Variants in BCL7A observed in about 807,000 individuals in gnomAD.
The protein encoded by BCL7A is B-cell CLL/lymphoma 7 protein family member A.
Under a neutral mutation model 28.4 loss-of-function variants are expected in BCL7A, and 11 were observed. That is an observed-to-expected ratio of 0.39 (90% CI 0.24 to 0.64). BCL7A has a LOEUF of 0.64. Ranked by LOEUF, BCL7A falls within the 30% of genes least tolerant of loss-of-function variation. The pLI, the probability that BCL7A is intolerant of heterozygous loss-of-function variation, is 0.50. For missense variants in BCL7A, 222 were observed against 274.8 expected, an observed-to-expected ratio of 0.81 and a Z score of 1.36; for synonymous variants, 123 against 103.3, an observed-to-expected ratio of 1.19 and a Z score of -1.15.
intron 1 of BCL7A, among the ~76,000 whole-genome samples, chr12:122,025,177 G>A (rs374809850): frequency 6.6e-6 from 1 of 152,142 alleles, no homozygotes; most frequent in Non-Finnish European, 1.5e-5. Flanking sequence ...CCAGGGCGAT[G>A]GTAGGAGACG....
chr12:122,032,052 C>T (rs1311664668), intron 2 of BCL7A, among the ~76,000 whole-genome samples: 2 of 152,126 alleles, frequency 1.3e-5, no homozygotes, highest in African/African-American at 2.4e-5. Context: ...CTGGGAGTGA[C>T]GTAAAGTCAT....
chr12:122,050,774 C>T (rs191975446), intron 4 of BCL7A, among the ~76,000 whole-genome samples: 6 of 152,190 alleles, frequency 3.9e-5, no homozygotes, highest in African/African-American at 7.2e-5. Flanking sequence ...CCAGCTTGGG[C>T]GACAGAGCGA....
chr12:122,050,375 A>G (rs907877795), intron 4 of BCL7A, among the ~76,000 whole-genome samples: 1 of 152,050 alleles, frequency 6.6e-6, no homozygotes, highest in Admixed American at 6.6e-5. Flanking sequence ...CCAGTTGTTA[A>G]CCAATGTCCC....
chr12:122,022,196 G>A lies in BCL7A; in HGVS notation c.92+13G>A. ...AAGTGCGCAAATGGTAAGCGGAGGC[G>A]CCCGCCGCCAGCCGCCTCCCCGGCC... On this transcript the variant is annotated intron_variant, in intron 1 of 5. Transcript: ENST00000261822. The A allele has an allele frequency of 6.9e-7, 1 of 1,447,686 alleles. No individual in the cohort carries two copies. Among genetic ancestry groups the A allele is most frequent in the East Asian group, 3.1e-5 (1 of 31,932 alleles). 89.7% of individuals were successfully genotyped at this position (1,447,686 alleles called of 1,614,324 possible).
Position 122,034,337 on chromosome 12 carries a change from A to G in BCL7A, c.175-994A>G, listed in dbSNP as rs574144400. Reference sequence around the variant, plus strand: ...CCACCTTATTCCCTGTAATTGTTGCATCCGATTTCATTGAATGAATGTACC... The same window carrying G: ...CCACCTTATTCCCTGTAATTGTTGCGTCCGATTTCATTGAATGAATGTACC... On this transcript the variant is annotated intron_variant, in intron 2 of 5. Coordinates refer to ENST00000261822, the MANE Select transcript of BCL7A (RefSeq NM_001024808.3). Among the ~76,000 whole-genome samples the G allele has an allele frequency of 2.7e-5, 4 of 148,122 alleles. No individual in the cohort carries two copies. In the South Asian group the frequency reaches 6.5e-4, roughly 24 times the overall value.
chr12:122,054,319 C>T (rs546983554), intron 4 of BCL7A, among the ~76,000 whole-genome samples: 2 of 152,314 alleles, frequency 1.3e-5, no homozygotes, highest in Admixed American at 6.5e-5. Context: ...GATCTCCTGA[C>T]CTCGTGATCC....
At position 122,044,040 on chromosome 12, in the gene BCL7A, C is replaced by T. The variant is rs758586556; in HGVS notation, c.426C>T (p.His142=). 14 of 1,613,170 alleles carry T rather than the reference C, an allele frequency of 8.7e-6. No homozygotes were observed. Among genetic ancestry groups the T allele is most frequent in the South Asian group, 3.3e-5 (3 of 90,988 alleles). ...AGGCCCAGGCTGATGGGAAGGAGCACCCAGGAGCTGAAGGTATGTGGCCTC... is the reference window on the plus strand; with the variant it reads ...AGGCCCAGGCTGATGGGAAGGAGCATCCAGGAGCTGAAGGTATGTGGCCTC... ...VDEAQADGKE[H]PGAEDASDEQ... Residue 142 remains histidine, a synonymous_variant, in exon 4 of 6, where the codon CAC becomes CAT. Transcript: ENST00000261822.
At chr12:122,025,322 A>AAAAAAG (rs1220836729) in intron 1 of BCL7A, among the ~76,000 whole-genome samples, 4 of 151,406 alleles carry the variant, frequency 2.6e-5, no homozygotes, top group Admixed American at 6.6e-5. Context: ...TCAAACCAAA[A>AAAAAAG]AAAAAGAAAA....
chr12:122,032,081 G>C (rs539968157), intron 2 of BCL7A, among the ~76,000 whole-genome samples: 1 of 152,320 alleles, frequency 6.6e-6, no homozygotes, highest in Non-Finnish European at 1.5e-5. Flanking sequence ...GGTTTGGGGT[G>C]GGGGAAGCAT....
chr12:122,036,506 T>C (rs551524520), intron 3 of BCL7A, among the ~76,000 whole-genome samples: 30 of 152,346 alleles, frequency 2.0e-4, no homozygotes, highest in African/African-American at 7.2e-4. Context: ...GGTGTCTGTT[T>C]CTGTTTTGAC....
chr12:122,055,853 A>C lies in BCL7A; in HGVS notation c.561+927A>C, dbSNP rs1951875172. On this transcript the variant is annotated intron_variant, in intron 5 of 5. Transcript: ENST00000261822. ...GGCTGGTCTCAAATTCCTGACCTCA[A>C]ATGATCCACTCCCTCAGCCTCTCAA... Among the ~76,000 whole-genome samples the C allele has an allele frequency of 2.0e-5, 3 of 152,130 alleles. No homozygotes were observed. The South Asian group carries it at 6.2e-4, about 31-fold the overall frequency.
chr12:122,028,470 C>G (rs1451298824), intron 1 of BCL7A, among the ~76,000 whole-genome samples: 2 of 151,718 alleles, frequency 1.3e-5, no homozygotes, highest in African/African-American at 4.9e-5. Flanking sequence ...TACTGGGAAG[C>G]TGGTCCAGGG....
At position 122,059,207 on chromosome 12, in the gene BCL7A, T is replaced by C; in HGVS notation, c.*44T>C. 1.3e-6 allele frequency: 2 copies of C among 1,551,970 alleles called. No homozygotes were observed. Among genetic ancestry groups the C allele is most frequent in the Non-Finnish European group, 1.8e-6 (2 of 1,124,410 alleles). ...CGATCCATGTTCCATGGAAGGTACA[T>C]CAGCAATTAATTCTAGAGCAACTTT... is the stretch of plus-strand genomic sequence containing the variant. On this transcript the variant is annotated 3_prime_UTR_variant, in exon 6 of 6. Coordinates refer to ENST00000261822, the MANE Select transcript of BCL7A (RefSeq NM_001024808.3). This position sits in a 1 kb window ranked among gnomAD's most constrained non-coding sequence, Gnocchi z 4.0.
At chr12:122,057,652 T>A (rs1207501327) in intron 5 of BCL7A, among the ~76,000 whole-genome samples, 1 of 151,968 alleles carries the variant, frequency 6.6e-6, no homozygotes, top group Non-Finnish European at 1.5e-5. Context: ...AGGTGACAGG[T>A]TAGGTTTGAG....
chr12:122,023,817 C>G (rs1883539462), intron 1 of BCL7A, among the ~76,000 whole-genome samples: 1 of 152,338 alleles, frequency 6.6e-6, no homozygotes, highest in Admixed American at 6.5e-5. Context: ...CCGCGGGAAG[C>G]CCGGAGTTGC....
intron 5 of BCL7A, among the ~76,000 whole-genome samples, chr12:122,055,470 A>G (rs1036659553): frequency 6.6e-6 from 1 of 152,174 alleles, no homozygotes; most frequent in African/African-American, 2.4e-5. Context: ...TTTGAATCCC[A>G]GCTCCCAAAA....
At chr12:122,023,946 G>A (rs1883545058) in intron 1 of BCL7A, among the ~76,000 whole-genome samples, 1 of 152,186 alleles carries the variant, frequency 6.6e-6, no homozygotes, top group Admixed American at 6.5e-5. Context: ...TGCTCGAGGA[G>A]GCGTGGTGGG....
At chr12:122,043,830 C>T (rs2135852180) in intron 3 of BCL7A, 56 bp from the exon 4 acceptor site, 2 of 1,537,392 alleles carry the variant, frequency 1.3e-6, no homozygotes, top group Admixed American at 1.8e-5. Flanking sequence ...CTCTGACCTA[C>T]CCGTCCTTGG....
At chr12:122,035,553 G>A (rs1317886681) in intron 3 of BCL7A, 126 bp downstream of exon 3, 2 of 767,172 alleles carry the variant, frequency 2.6e-6, no homozygotes, top group Non-Finnish European at 4.2e-6. Flanking sequence ...GGCTGGGCAG[G>A]GCCCGGCGGC....
Sources: allele counts gnomAD v4.1 joint callset (sites outside exome capture counted in the v4.1 genomes callset), GRCh38; gene constraint gnomAD v4.1.1; non-coding constraint Gnocchi (gnomAD v3.1); transcripts MANE v1.5; gene names NCBI Gene and HGNC (gene_info 2026-07-23, HGNC 2026-07-21).